Variants in PCDH15 observed in about 807,000 individuals in gnomAD.
PCDH15 encodes protocadherin related 15, also known as protocadherin-15.
In PCDH15, 129 loss-of-function variants were observed where a neutral mutation model predicts 178.5. The ratio of observed to expected loss-of-function variants is 0.72; its 90% CI spans 0.63 to 0.84. The LOEUF (loss-of-function observed/expected upper bound fraction) is 0.84. Among genes scored for constraint, PCDH15 ranks in the 40% least tolerant of loss-of-function variants. The pLI is 0.00. For synonymous variants in PCDH15, 800 were observed against 732.0 expected, an observed-to-expected ratio of 1.09 and a Z score of -1.50; for missense variants, 2,230 against 2,099.9, an observed-to-expected ratio of 1.06 and a Z score of -1.21.
intron 15 of PCDH15, among the ~76,000 whole-genome samples, chr10:54,121,917 C>G (rs1305211307): frequency 6.6e-6 from 1 of 151,596 alleles, no homozygotes; most frequent in East Asian, 1.9e-4. Flanking sequence ...TCTATTAAAA[C>G]TATTCCAAAA....
chr10:53,867,778 T>G (rs1413134608), intron 26 of PCDH15, among the ~76,000 whole-genome samples: 2 of 152,050 alleles, frequency 1.3e-5, no homozygotes, highest in Non-Finnish European at 2.9e-5. Context: ...TAAAATAAAG[T>G]TGAGTTATAA....
chr10:54,675,149 TTAAA>T (rs1211554532), intron 1 of PCDH15, among the ~76,000 whole-genome samples: 2 of 152,010 alleles, frequency 1.3e-5, no homozygotes, highest in African/African-American at 4.8e-5. Flanking sequence ...ATTTATTACA[TTAAA>T]TATTAGATTA....
chr10:53,942,402 C>A (rs1194319973), intron 23 of PCDH15, among the ~76,000 whole-genome samples: 1 of 152,198 alleles, frequency 6.6e-6, no homozygotes, highest in Admixed American at 6.5e-5. Context: ...ATGGTACATG[C>A]ATAAGCACAT....
intron 1 of PCDH15, among the ~76,000 whole-genome samples, chr10:54,784,656 T>C (rs1249532993): frequency 6.6e-6 from 1 of 151,866 alleles, no homozygotes; most frequent in African/African-American, 2.4e-5. Context: ...CATCATGAAA[T>C]CATGCAAAAG....
chr10:54,569,593 A>G (rs2089511074), intron 2 of PCDH15, among the ~76,000 whole-genome samples: 1 of 152,166 alleles, frequency 6.6e-6, no homozygotes, highest in Non-Finnish European at 1.5e-5. Context: ...TAAATTCTTA[A>G]TGGAGTTCAT....
rs1479902255 is a variant in PCDH15 at position 53,806,805 on chromosome 10, GCATT to G, written c.4993_4996del (p.Asn1665GlnfsTer20). On this transcript the variant is annotated frameshift_variant, in exon 38 of 38. Coordinates refer to ENST00000644397, the MANE Select transcript of PCDH15 (RefSeq NM_001384140.1). LOFTEE classifies it high-confidence loss of function. ...GGCAAATGTAACCAGAGTTGGTCTTGCATTCATTTTTTCAGTAGAAAATGGCCCC... is the reference window on the plus strand; with the variant it reads ...GGCAAATGTAACCAGAGTTGGTCTTGCATTTTTTCAGTAGAAAATGGCCCC... The G allele has an allele frequency of 6.2e-7, 1 of 1,613,810 alleles. No individual in the cohort carries two copies. Among genetic ancestry groups the G allele is most frequent in the Non-Finnish European group, 8.5e-7 (1 of 1,179,814 alleles).
At chr10:54,136,954 T>C (rs1037203314) in intron 14 of PCDH15, among the ~76,000 whole-genome samples, 1 of 152,204 alleles carries the variant, frequency 6.6e-6, no homozygotes, top group Non-Finnish European at 1.5e-5. Flanking sequence ...CATCCTGGCA[T>C]GTCCCTATAA....
At chr10:55,498,973 T>C (rs919005374) in intron 2 of PCDH15, among the ~76,000 whole-genome samples, 1 of 151,820 alleles carries the variant, frequency 6.6e-6, no homozygotes, top group African/African-American at 2.4e-5. Flanking sequence ...CCTCTAGGAG[T>C]TGAAAAATTA....
intron 3 of PCDH15, among the ~76,000 whole-genome samples, chr10:54,817,147 G>A (rs922965503): frequency 1.3e-5 from 2 of 151,838 alleles, no homozygotes; most frequent in African/African-American, 4.8e-5. Context: ...CATTATATAT[G>A]TAAAATACAT....
chr10:55,078,500 G>A (rs576889189), intron 2 of PCDH15, among the ~76,000 whole-genome samples: 8 of 151,926 alleles, frequency 5.3e-5, no homozygotes, highest in South Asian at 2.1e-4. Flanking sequence ...GTCTTTATTC[G>A]TTCTTTTTTA....
At chr10:54,161,441 G>A (rs972983419) in intron 13 of PCDH15, among the ~76,000 whole-genome samples, 9 of 152,088 alleles carry the variant, frequency 5.9e-5, no homozygotes, top group African/African-American at 2.2e-4. Context: ...AAAGTTTTGG[G>A]GTGATGGAAA....
chr10:54,703,874 C>T (rs2095339288), intron 1 of PCDH15, among the ~76,000 whole-genome samples: 4 of 152,054 alleles, frequency 2.6e-5, no homozygotes. Flanking sequence ...GCTGCAATAA[C>T]CAAAACAGCA....
intron 2 of PCDH15, among the ~76,000 whole-genome samples, chr10:55,366,995 T>G (rs1376835440): frequency 6.6e-6 from 1 of 151,572 alleles, no homozygotes; most frequent in East Asian, 1.9e-4. Context: ...AGAGGTAGGG[T>G]GTTTATTTTT....
chr10:54,067,221 C>T (rs1172646931), intron 17 of PCDH15, among the ~76,000 whole-genome samples: 1 of 152,118 alleles, frequency 6.6e-6, no homozygotes, highest in Non-Finnish European at 1.5e-5. Flanking sequence ...CACACGTACA[C>T]TGCTTTATCT....
At chr10:55,085,629 C>A (rs189245823) in intron 2 of PCDH15, among the ~76,000 whole-genome samples, 1 of 151,280 alleles carries the variant, frequency 6.6e-6, no homozygotes, top group African/African-American at 2.4e-5. Context: ...TACTACATAC[C>A]CATATAAATT....
At chr10:55,398,281 G>A (rs1468902503) in intron 2 of PCDH15, among the ~76,000 whole-genome samples, 1 of 152,038 alleles carries the variant, frequency 6.6e-6, no homozygotes, top group Non-Finnish European at 1.5e-5. Context: ...TGAGAGGCAA[G>A]AAAGTGAGTA....
chr10:54,643,427 A>C (rs1255723829), intron 2 of PCDH15, among the ~76,000 whole-genome samples: 1 of 152,186 alleles, frequency 6.6e-6, no homozygotes, highest in East Asian at 1.9e-4. Context: ...AAAGTTAATA[A>C]TAGAATCTTA....
intron 3 of PCDH15, among the ~76,000 whole-genome samples, chr10:54,518,231 T>C (rs2082431404): frequency 6.6e-6 from 1 of 151,062 alleles, no homozygotes; most frequent in Non-Finnish European, 1.5e-5. Flanking sequence ...CTGAAGGAAA[T>C]AGAGACACAA....
intron 13 of PCDH15, among the ~76,000 whole-genome samples, chr10:54,173,099 A>T (rs2047075228): frequency 6.6e-6 from 1 of 152,172 alleles, no homozygotes; most frequent in Admixed American, 6.5e-5. Flanking sequence ...CAAATGGGAA[A>T]CCTCAGCCTA....
Sources: allele counts gnomAD v4.1 joint callset (sites outside exome capture counted in the v4.1 genomes callset), GRCh38; gene constraint gnomAD v4.1.1; transcripts MANE v1.5; gene names NCBI Gene and HGNC (gene_info 2026-07-23, HGNC 2026-07-21).